HOOK3: variants seen among roughly 807,000 people sequenced by gnomAD.
HOOK3 encodes protein Hook homolog 3.
In HOOK3, 24 loss-of-function variants were observed where a neutral mutation model predicts 116.3. The observed-to-expected ratio is 0.21, with a 90% CI of 0.15 to 0.29. The LOEUF (loss-of-function observed/expected upper bound fraction) is 0.29, where lower values mean the gene tolerates loss of function less well. Ranked by LOEUF, HOOK3 falls within the 10% of genes least tolerant of loss-of-function variation. HOOK3 has a pLI of 1.00. For missense variants in HOOK3, 632 were observed against 830.2 expected, an observed-to-expected ratio of 0.76 and a Z score of 2.93; for synonymous variants, 275 against 283.0, an observed-to-expected ratio of 0.97 and a Z score of 0.28.
rs569214881 is a variant in HOOK3, at chr8:43,014,201, G to A, written c.2016+801G>A. On this transcript the variant is annotated intron_variant, in intron 21 of 21. Coordinates refer to ENST00000307602, the MANE Select transcript of HOOK3 (RefSeq NM_032410.4). Reference sequence around the variant, plus strand: ...CTTGGGAGGCTGAGGCAGGAGAATCGCTTGAACTTGGGAAGCAGAGGTTGC... The same window carrying A: ...CTTGGGAGGCTGAGGCAGGAGAATCACTTGAACTTGGGAAGCAGAGGTTGC... Among the ~76,000 whole-genome samples, 6 of 148,252 alleles carry A rather than the reference G, an allele frequency of 4.0e-5. No individual in the cohort carries two copies. The East Asian group carries it at 6.1e-4, about 15-fold the overall frequency.
chr8:43,001,499 CTTTATTG>C (rs1182236293), intron 16 of HOOK3, among the ~76,000 whole-genome samples: 1 of 150,404 alleles, frequency 6.6e-6, no homozygotes, highest in Non-Finnish European at 1.5e-5. Flanking sequence ...TAGAGAATGT[CTTTATTG>C]TTTATTTTTA....
intron 20 of HOOK3, 48 bp from the exon 21 acceptor site, chr8:43,013,276 ATTGAG>A (rs1586634957): frequency 6.9e-7 from 1 of 1,439,944 alleles, no homozygotes; most frequent in Non-Finnish European, 9.4e-7. Context: ...TTTTATTTAT[ATTGAG>A]TTATTTTATA....
At chr8:43,014,421 G>A (rs6474425) in intron 21 of HOOK3, among the ~76,000 whole-genome samples, 151,900 of 151,910 alleles carry the variant, frequency 1, 75,945 homozygotes, top group Middle Eastern at 1. Flanking sequence ...GTGTGATCTC[G>A]GCTCACTGCA....
At chr8:43,012,949 TA>T in intron 19 of HOOK3, 101 bp from the exon 20 acceptor site, 1 of 758,382 alleles carries the variant, frequency 1.3e-6, no homozygotes. Context: ...TGATTTTTCA[TA>T]AGTTTATCCT....
chr8:43,023,271 GA>G lies in HOOK3; in HGVS notation c.*4777del. On this transcript the variant is annotated 3_prime_UTR_variant, in exon 22 of 22. Coordinates refer to ENST00000307602, the MANE Select transcript of HOOK3 (RefSeq NM_032410.4). ...ATTCCAGTAGTTCTCACAGAAGAAT[GA>G]AAATCCGTGCTGTGCAAATAGATCA... 6.0e-6 allele frequency: 1 copy of G among 166,340 alleles called. No homozygotes were observed. Among genetic ancestry groups the G allele is most frequent in the Non-Finnish European group, 1.3e-5 (1 of 77,528 alleles). 10.3% of individuals were successfully genotyped at this position (166,340 alleles called of 1,614,324 possible). A position where few individuals can be genotyped will look rare whatever the true frequency, so the allele number is the denominator to read the frequency against.
intron 1 of HOOK3, among the ~76,000 whole-genome samples, chr8:42,902,770 T>C (rs537182804): frequency 6.6e-4 from 100 of 152,348 alleles, no homozygotes; most frequent in African/African-American, 2.3e-3. Flanking sequence ...ACATCCTGTC[T>C]AAATTTACAG....
rs762761537 is a variant in HOOK3 at position 42,946,080 on chromosome 8, C to A, written c.400+2635C>A. On this transcript the variant is annotated intron_variant, in intron 5 of 21. Coordinates refer to ENST00000307602, the MANE Select transcript of HOOK3 (RefSeq NM_032410.4). ...AAGCAGATAAATTTTACCTTAAATT[C>A]ATTTTCTCTTCTATATTCAATTTAT... 5.3e-5 allele frequency among the ~76,000 whole-genome samples: 8 copies of A among 152,122 alleles called. 1 individual carries two copies. Among genetic ancestry groups the A allele is most frequent in the Non-Finnish European group, 1.2e-4 (8 of 68,026 alleles).
chr8:42,970,506 G>A (rs1006007795), intron 11 of HOOK3, among the ~76,000 whole-genome samples: 5 of 152,190 alleles, frequency 3.3e-5, no homozygotes, highest in East Asian at 3.9e-4. Flanking sequence ...ATACCTTTCC[G>A]TGGTCTTCCA....
chr8:42,965,412 A>G (rs1471582186), intron 9 of HOOK3, among the ~76,000 whole-genome samples: 2 of 152,212 alleles, frequency 1.3e-5, no homozygotes, highest in African/African-American at 2.4e-5. Context: ...CGAGATTTAA[A>G]GGAACAATCT....
intron 2 of HOOK3, among the ~76,000 whole-genome samples, chr8:42,911,513 GA>G (rs1337287668): frequency 2.0e-5 from 3 of 152,142 alleles, no homozygotes; most frequent in African/African-American, 7.2e-5. Flanking sequence ...TGGGTGGGGG[GA>G]TTAACAAATT....
chr8:42,914,008 A>G (rs1330011886), intron 2 of HOOK3, among the ~76,000 whole-genome samples: 1 of 152,102 alleles, frequency 6.6e-6, no homozygotes, highest in Non-Finnish European at 1.5e-5. Flanking sequence ...GGTTCCCTTT[A>G]CCTTGATCTG....
At chr8:43,005,314 G>T (rs1021059059) in intron 17 of HOOK3, among the ~76,000 whole-genome samples, 9 of 143,320 alleles carry the variant, frequency 6.3e-5, no homozygotes, top group African/African-American at 2.4e-4. Flanking sequence ...TCCGCTTCCC[G>T]GGTTCACGAC....
chr8:42,922,592 T>C (rs929133736), intron 2 of HOOK3, among the ~76,000 whole-genome samples: 7 of 150,412 alleles, frequency 4.7e-5, no homozygotes, highest in Non-Finnish European at 8.9e-5. Context: ...TTGCAAAATA[T>C]GCCATCAAGA....
intron 15 of HOOK3, among the ~76,000 whole-genome samples, chr8:42,990,553 CTAGTCTT>C (rs1809140994): frequency 1.3e-5 from 2 of 151,574 alleles, no homozygotes; most frequent in Non-Finnish European, 1.5e-5. Context: ...GTTGCCCAGG[CTAGTCTT>C]AAACTCCTGG....
chr8:42,929,756 C>A (rs1807839462), intron 3 of HOOK3, among the ~76,000 whole-genome samples: 1 of 151,962 alleles, frequency 6.6e-6, no homozygotes, highest in Non-Finnish European at 1.5e-5. Flanking sequence ...TTTGACTTTT[C>A]TAGGGAGAAT....
chr8:43,013,725 G>A (rs1204976970), intron 21 of HOOK3, among the ~76,000 whole-genome samples: 1 of 152,122 alleles, frequency 6.6e-6, no homozygotes, highest in African/African-American at 2.4e-5. Flanking sequence ...TTTGTTTTGT[G>A]GGATTATTTC....
chr8:42,908,520 G>A (rs976206166), intron 2 of HOOK3, among the ~76,000 whole-genome samples: 13 of 152,334 alleles, frequency 8.5e-5, no homozygotes, highest in South Asian at 6.2e-4. Flanking sequence ...TCTATAGTCA[G>A]TTGATTTTCC....
chr8:42,984,019 A>G (rs1241231762), intron 14 of HOOK3, among the ~76,000 whole-genome samples: 1 of 152,182 alleles, frequency 6.6e-6, no homozygotes, highest in Non-Finnish European at 1.5e-5. Context: ...TAAGCATTCA[A>G]ATATTTTTTG....
chr8:42,897,209 G>A, intron 1 of HOOK3, 21 bp downstream of exon 1: 1 of 1,237,534 alleles, frequency 8.1e-7, no homozygotes, highest in South Asian at 4.1e-5. Flanking sequence ...GCCGCGGGCC[G>A]GCGGGAAGAC....
Sources: gnomAD v4.1 joint callset for allele counts (sites outside exome capture counted in the v4.1 genomes callset) on GRCh38, gnomAD v4.1.1 for gene constraint, MANE v1.5 for transcripts, NCBI Gene and HGNC (gene_info 2026-07-23, HGNC 2026-07-21) for gene names.